The following HSD17B12 variants were observed in gnomAD, a reference collection of about 807,000 sequenced individuals.
The protein encoded by HSD17B12 is very-long-chain 3-oxoacyl-CoA reductase.
A neutral mutation model predicts 39.3 loss-of-function variants in HSD17B12; 32 were observed. That is an observed-to-expected ratio of 0.81 (90% CI 0.61 to 1.09). HSD17B12 has a LOEUF of 1.09. Ranked by LOEUF, HSD17B12 falls within the 50% of genes least tolerant of loss-of-function variation. The pLI is 0.00. For missense variants in HSD17B12, 342 were observed against 382.9 expected, an observed-to-expected ratio of 0.89 and a Z score of 0.89; for synonymous variants, 150 against 146.7, an observed-to-expected ratio of 1.02 and a Z score of -0.16.
At chr11:43,678,262 C>G (rs926573005), upstream of HSD17B12, among the ~76,000 whole-genome samples, 1 of 152,080 alleles carries the variant, frequency 6.6e-6, no homozygotes, top group Admixed American at 6.5e-5. Flanking sequence ...TATCTTTTGC[C>G]CACTTGTTGA....
intron 1 of HSD17B12, among the ~76,000 whole-genome samples, chr11:43,733,251 G>A (rs962795746): frequency 6.6e-6 from 1 of 152,168 alleles, no homozygotes; most frequent in Non-Finnish European, 1.5e-5. Context: ...TTGGGTTTAT[G>A]TTGTGGCGAT....
At chr11:43,674,841 G>T in the HSD17B12 span, among the ~76,000 whole-genome samples, 1 of 152,134 alleles carries the variant, frequency 6.6e-6, no homozygotes, top group Admixed American at 6.5e-5. Context: ...TCAAATATGG[G>T]TTCCTTAGAA....
the HSD17B12 span, among the ~76,000 whole-genome samples, chr11:43,647,264 G>A: frequency 6.6e-6 from 1 of 151,838 alleles, no homozygotes; most frequent in South Asian, 2.1e-4. Flanking sequence ...TATTCACATT[G>A]CTGAAAGTAA....
At chr11:43,665,784 C>T in the HSD17B12 span, among the ~76,000 whole-genome samples, 1 of 152,208 alleles carries the variant, frequency 6.6e-6, no homozygotes, top group African/African-American at 2.4e-5. Context: ...CACACACACA[C>T]ACACACAAGC....
intron 4 of HSD17B12, 53 bp downstream of exon 4, chr11:43,798,480 T>A: frequency 8.5e-7 from 1 of 1,176,394 alleles, no homozygotes; most frequent in Non-Finnish European, 1.2e-6. Context: ...TATTTGACTT[T>A]ATGACTTTGG....
At chr11:43,650,389 A>G in the HSD17B12 span, among the ~76,000 whole-genome samples, 1 of 152,206 alleles carries the variant, frequency 6.6e-6, no homozygotes, top group Non-Finnish European at 1.5e-5. Context: ...CAGTAATTAG[A>G]GGAATTAAGA....
the HSD17B12 span, among the ~76,000 whole-genome samples, chr11:43,636,381 T>A: frequency 1.3e-5 from 2 of 152,182 alleles, no homozygotes; most frequent in Admixed American, 1.3e-4. Context: ...AATCCAGAGT[T>A]CTTGATTCCT....
intron 3 of HSD17B12, among the ~76,000 whole-genome samples, chr11:43,762,885 A>G (rs140271853): frequency 1.1e-3 from 163 of 152,300 alleles, no homozygotes; most frequent in South Asian, 4.1e-3. Context: ...ATGTTGAGCC[A>G]TATTTATTAT....
chr11:43,808,296 T>C (rs894531854), intron 4 of HSD17B12, among the ~76,000 whole-genome samples: 2 of 152,038 alleles, frequency 1.3e-5, no homozygotes, highest in African/African-American at 2.4e-5. Context: ...ATGGATTTTT[T>C]TTTTTTTTTT....
At chr11:43,690,175 G>C (rs1018613293) in intron 1 of HSD17B12, among the ~76,000 whole-genome samples, 17 of 150,764 alleles carry the variant, frequency 1.1e-4, no homozygotes, top group Admixed American at 6.6e-4. Context: ...TTTTGTCATA[G>C]CACTTGTCAC....
chr11:43,840,352 T>G (rs2135129418), intron 9 of HSD17B12, among the ~76,000 whole-genome samples: 1 of 152,286 alleles, frequency 6.6e-6, no homozygotes, highest in Middle Eastern at 3.4e-3. Flanking sequence ...AGACCGAGAC[T>G]ATCGGCATCT....
chr11:43,798,517 GA>G (rs1950935248), intron 4 of HSD17B12, 90 bp downstream of exon 4: 1 of 760,844 alleles, frequency 1.3e-6, no homozygotes, highest in Admixed American at 2.5e-5. Context: ...TGACTAGTGA[GA>G]AAATTGTCTT....
At chr11:43,673,597 A>G in the HSD17B12 span, among the ~76,000 whole-genome samples, 2 of 150,230 alleles carry the variant, frequency 1.3e-5, no homozygotes, top group African/African-American at 2.4e-5. Context: ...GGCTCAAGCA[A>G]TTATCCTGCC....
intron 6 of HSD17B12, among the ~76,000 whole-genome samples, chr11:43,827,803 A>T (rs1951260546): frequency 6.6e-6 from 1 of 152,228 alleles, no homozygotes; most frequent in South Asian, 2.1e-4. Flanking sequence ...CAGAATATAC[A>T]TTGCTATACC....
chr11:43,814,383 A>C (rs1352297965), intron 4 of HSD17B12, among the ~76,000 whole-genome samples: 2 of 152,176 alleles, frequency 1.3e-5, no homozygotes, highest in East Asian at 3.8e-4. Flanking sequence ...GTGATGATTA[A>C]GTGTAGATAG....
chr11:43,571,936 C>T, the HSD17B12 span, among the ~76,000 whole-genome samples: 4 of 152,204 alleles, frequency 2.6e-5, no homozygotes, highest in East Asian at 1.9e-4. Context: ...CCCCACCGTG[C>T]TAATGGCTCA....
At chr11:43,651,109 A>G in the HSD17B12 span, among the ~76,000 whole-genome samples, 4 of 152,366 alleles carry the variant, frequency 2.6e-5, no homozygotes, top group South Asian at 8.3e-4. Context: ...GTGTTCCATG[A>G]AAATAAAAAG....
At chr11:43,844,164 C>T (rs142754737) in intron 9 of HSD17B12, among the ~76,000 whole-genome samples, 1,696 of 152,276 alleles carry the variant, frequency 0.011, 21 homozygotes, top group Non-Finnish European at 0.017. Context: ...TTTAGGTCTA[C>T]CTCCGTGTGA....
At chr11:43,716,037 G>C (rs1290137913) in intron 1 of HSD17B12, among the ~76,000 whole-genome samples, 1 of 152,152 alleles carries the variant, frequency 6.6e-6, no homozygotes, top group East Asian at 1.9e-4. Flanking sequence ...CCACATTTAT[G>C]TGAAAAGAAG....
Sources: allele counts gnomAD v4.1 joint callset (sites outside exome capture counted in the v4.1 genomes callset), GRCh38; gene constraint gnomAD v4.1.1; transcripts MANE v1.5; gene names NCBI Gene and HGNC (gene_info 2026-07-23, HGNC 2026-07-21).